SH3PXD2A: variants seen among roughly 807,000 people sequenced by gnomAD.
SH3PXD2A encodes SH3 and PX domains 2A, also known as SH3 and PX domain-containing protein 2A.
Under a neutral mutation model 115.2 loss-of-function variants are expected in SH3PXD2A, and 32 were observed. That is an observed-to-expected ratio of 0.28 (90% CI 0.21 to 0.37). The LOEUF (loss-of-function observed/expected upper bound fraction) is 0.37, where lower values mean the gene tolerates loss of function less well. Ranked by LOEUF, SH3PXD2A falls within the 10% of genes least tolerant of loss-of-function variation. The pLI is 1.00. For synonymous variants in SH3PXD2A, 610 were observed against 629.1 expected (o/e 0.97, Z 0.45); for missense variants, 1,328 against 1,498.7 (o/e 0.89, Z 1.88).
At chr10:103,650,670 C>A (rs1371602537) in intron 8 of SH3PXD2A, among the ~76,000 whole-genome samples, 2 of 152,180 alleles carry the variant, frequency 1.3e-5, no homozygotes, top group African/African-American at 4.8e-5. Context: ...CTGGACCCAC[C>A]CAGTCCAGGC....
chr10:103,664,185 G>A (rs1022097215), intron 7 of SH3PXD2A, among the ~76,000 whole-genome samples: 1 of 152,216 alleles, frequency 6.6e-6, no homozygotes, highest in Non-Finnish European at 1.5e-5. Flanking sequence ...CCTGCCCTAC[G>A]AGAAATGGGG....
chr10:103,777,167 A>G (rs778067927), intron 2 of SH3PXD2A, among the ~76,000 whole-genome samples: 14 of 152,242 alleles, frequency 9.2e-5, no homozygotes, highest in Non-Finnish European at 1.3e-4. Context: ...AAATGAGATA[A>G]TGTAGGTAAA....
rs1247533067 is a variant in SH3PXD2A at position 103,603,148 on chromosome 10, A to C, written c.2070T>G (p.Phe690Leu). The C allele has an allele frequency of 1.2e-6, 2 of 1,613,686 alleles. No homozygotes were observed. Among genetic ancestry groups the C allele is most frequent in the Admixed American group, 3.3e-5 (2 of 60,030 alleles). Residue 690 changes from phenylalanine (F) to leucine (L), a missense_variant, in exon 15 of 15, where the codon TTT becomes TTG. By Grantham distance (22) the Phe-to-Leu change is conservative. Around this residue, in one of 5 missense-constraint regions of SH3PXD2A, gnomAD observed 574 missense variants for 565.7 expected, o/e 1.01. Transcript: ENST00000369774. ...TGGTGTTGATGGTGATGGATGAGGA[A>C]AAGGAGGCTGAGGAGTGGTTCTTCC... ...EMGKNHSSASFSSSITINTTC... is the reference protein window; with the variant it reads ...EMGKNHSSASLSSSITINTTC...
intron 3 of SH3PXD2A, among the ~76,000 whole-genome samples, chr10:103,745,728 C>T (rs71471297): frequency 1.4e-3 from 213 of 152,350 alleles, no homozygotes; most frequent in Non-Finnish European, 2.7e-3. Flanking sequence ...AGGCCAAACA[C>T]GAGCTCCCCT....
intron 2 of SH3PXD2A, among the ~76,000 whole-genome samples, chr10:103,791,529 A>G (rs980631114): frequency 2.0e-5 from 3 of 152,100 alleles, no homozygotes; most frequent in African/African-American, 7.2e-5. Flanking sequence ...GGCTGGGTGG[A>G]GAGTTCTCCT....
intron 3 of SH3PXD2A, among the ~76,000 whole-genome samples, chr10:103,765,356 G>A (rs550982558): frequency 6.6e-6 from 1 of 152,324 alleles, no homozygotes; most frequent in East Asian, 1.9e-4. Context: ...TGTTCTCTGA[G>A]CTCCCTCTCC....
intron 8 of SH3PXD2A, among the ~76,000 whole-genome samples, chr10:103,645,178 T>C (rs557896170): frequency 8.0e-4 from 122 of 152,322 alleles, no homozygotes; most frequent in Non-Finnish European, 1.4e-3. Flanking sequence ...TCTGAGGACA[T>C]AGGCCGAATC....
intron 2 of SH3PXD2A, among the ~76,000 whole-genome samples, chr10:103,785,237 T>C (rs2038969411): frequency 6.6e-6 from 1 of 152,218 alleles, no homozygotes; most frequent in Non-Finnish European, 1.5e-5. Context: ...ACCTGCCCAC[T>C]GCTCAGCTAT....
At chr10:103,736,821 T>C (rs1422381763) in intron 3 of SH3PXD2A, 2 of 1,285,272 alleles carry the variant, frequency 1.6e-6, no homozygotes, top group Non-Finnish European at 2.0e-6. Context: ...GTCTACCTAA[T>C]TTCCCCCTGG....
intron 3 of SH3PXD2A, among the ~76,000 whole-genome samples, chr10:103,757,420 C>A (rs1346223864): frequency 6.6e-6 from 1 of 152,138 alleles, no homozygotes; most frequent in African/African-American, 2.4e-5. Flanking sequence ...ACAGGCTTTT[C>A]GGCCCAGATC....
intron 4 of SH3PXD2A, among the ~76,000 whole-genome samples, chr10:103,724,603 T>C (rs1451127685): frequency 6.6e-6 from 1 of 151,868 alleles, no homozygotes; most frequent in African/African-American, 2.4e-5. Context: ...TTCTCTCAAC[T>C]AACTAGCCAG....
At chr10:103,603,819 G>A in intron 14 of SH3PXD2A, 30 bp from the exon 15 acceptor site, 2 of 1,574,500 alleles carry the variant, frequency 1.3e-6, no homozygotes, top group Non-Finnish European at 1.7e-6. Flanking sequence ...AAGCCAGTGA[G>A]TTGGGAGGAT....
intron 3 of SH3PXD2A, among the ~76,000 whole-genome samples, chr10:103,738,241 G>A (rs866544186): frequency 9.2e-5 from 14 of 152,220 alleles, no homozygotes; most frequent in Non-Finnish European, 1.6e-4. Context: ...AGACACTGGC[G>A]ACGCCGCTGT....
intron 2 of SH3PXD2A, among the ~76,000 whole-genome samples, chr10:103,779,072 T>A (rs1471057553): frequency 1.3e-5 from 2 of 152,122 alleles, no homozygotes; most frequent in Non-Finnish European, 2.9e-5. Context: ...TTACTATGTT[T>A]ATGTTTTTGT....
At chr10:103,787,235 G>A (rs1467124501) in intron 2 of SH3PXD2A, among the ~76,000 whole-genome samples, 1 of 152,170 alleles carries the variant, frequency 6.6e-6, no homozygotes, top group Non-Finnish European at 1.5e-5. Context: ...CAGGGCACAG[G>A]CCCATGGCTC....
At chr10:103,735,704 C>CCAA in intron 4 of SH3PXD2A, 28 bp downstream of exon 4, 3 of 1,493,774 alleles carry the variant, frequency 2.0e-6, no homozygotes, top group African/African-American at 1.4e-5. Context: ...TCCCCGAGCC[C>CCAA]CTCCCCCAGC....
chr10:103,824,624 T>C (rs1020621934), intron 1 of SH3PXD2A, among the ~76,000 whole-genome samples: 1 of 152,170 alleles, frequency 6.6e-6, no homozygotes, highest in African/African-American at 2.4e-5. Flanking sequence ...TCCCCTCGGC[T>C]TGAGGATAAC....
chr10:103,601,640 A>C lies in SH3PXD2A; in HGVS notation c.*176T>G. 7.2e-6 allele frequency: 4 copies of C among 555,492 alleles called. No individual in the cohort carries two copies. The highest frequency in any genetic ancestry group is 6.5e-6 in the Non-Finnish European group (2 of 310,026). 34.4% of individuals were successfully genotyped at this position (555,492 alleles called of 1,614,324 possible). On this transcript the variant is annotated 3_prime_UTR_variant, in exon 15 of 15. Transcript: ENST00000369774. Reference sequence around the variant, plus strand: ...TGGGCACCCCCATCCCCTACCTTCCAGCTGTGGGATGGCTTGGACAGGGGG... The same window carrying C: ...TGGGCACCCCCATCCCCTACCTTCCCGCTGTGGGATGGCTTGGACAGGGGG...
At chr10:103,662,383 G>A (rs1175617616) in intron 7 of SH3PXD2A, among the ~76,000 whole-genome samples, 1 of 111,212 alleles carries the variant, frequency 9.0e-6, no homozygotes, top group Non-Finnish European at 1.8e-5. Context: ...AAAATATGAT[G>A]TGCTTTTTTT....
Sources: gnomAD v4.1 joint callset for allele counts (sites outside exome capture counted in the v4.1 genomes callset) on GRCh38, gnomAD v4.1.1 for gene constraint, gnomAD v4.1.1 regional missense constraint, MANE v1.5 for transcripts, NCBI Gene and HGNC (gene_info 2026-07-23, HGNC 2026-07-21) for gene names.